The following SLC25A26 variants were observed in gnomAD, a reference collection of about 807,000 sequenced individuals.
The protein encoded by SLC25A26 is mitochondrial S-adenosylmethionine carrier protein.
Under a neutral mutation model 37.8 loss-of-function variants are expected in SLC25A26, and 36 were observed. The ratio of observed to expected loss-of-function variants is 0.95; its 90% CI spans 0.73 to 1.26. SLC25A26 has a LOEUF of 1.26. Among genes scored for constraint, SLC25A26 ranks in the 50% most tolerant of loss-of-function variants. The pLI, the probability that SLC25A26 is intolerant of heterozygous loss-of-function variation, is 0.00. For missense variants in SLC25A26, 390 were observed against 331.1 expected (o/e 1.18, Z -1.38); for synonymous variants, 129 against 122.5 (o/e 1.05, Z -0.35).
chr3:66,372,582 C>T (rs1700404843), intron 9 of SLC25A26, among the ~76,000 whole-genome samples: 1 of 152,130 alleles, frequency 6.6e-6, no homozygotes, highest in Admixed American at 6.5e-5. Flanking sequence ...TTTTGCTTAT[C>T]TATCTTCGGA....
intron 5 of SLC25A26, among the ~76,000 whole-genome samples, chr3:66,266,892 C>T (rs756629547): frequency 3.9e-5 from 6 of 152,104 alleles, no homozygotes; most frequent in Non-Finnish European, 7.4e-5. Flanking sequence ...GCCTCATACT[C>T]TTGGATGTGA....
rs568495512 is a variant in SLC25A26, at chr3:66,171,884, A to G, written c.-354+37900A>G. Among the ~76,000 whole-genome samples, 13 of 152,316 alleles carry G rather than the reference A, an allele frequency of 8.5e-5. No homozygotes were observed. In the East Asian group the frequency reaches 2.5e-3, roughly 29 times the overall value. On this transcript the variant is annotated intron_variant, in intron 1 of 10. Transcript: ENST00000676754. Reference sequence around the variant, plus strand: ...TACAGAAAGGAATCACACAGAAGACATCCCTTCTCTCATGGAGCTTATGTG... The same window carrying G: ...TACAGAAAGGAATCACACAGAAGACGTCCCTTCTCTCATGGAGCTTATGTG...
chr3:66,288,661 C>A (rs902064805), intron 5 of SLC25A26, among the ~76,000 whole-genome samples: 2 of 152,108 alleles, frequency 1.3e-5, no homozygotes, highest in Non-Finnish European at 2.9e-5. Context: ...TGAACTCATC[C>A]ATTTTTATGG....
chr3:66,279,294 G>C (rs2074258794), intron 5 of SLC25A26, among the ~76,000 whole-genome samples: 2 of 152,030 alleles, frequency 1.3e-5, no homozygotes, highest in African/African-American at 4.8e-5. Flanking sequence ...CACTGTGTTT[G>C]GGCTTCTATT....
intron 8 of SLC25A26, among the ~76,000 whole-genome samples, chr3:66,369,845 CT>C (rs1215150995): frequency 6.6e-6 from 1 of 152,198 alleles, no homozygotes; most frequent in African/African-American, 2.4e-5. Context: ...GTTGACGAGC[CT>C]CCTGCTATGT....
intron 6 of SLC25A26, among the ~76,000 whole-genome samples, chr3:66,346,707 G>C (rs1407276387): frequency 7.9e-6 from 1 of 126,640 alleles, no homozygotes. Flanking sequence ...ATTTCATTTT[G>C]CTGTGTGCGT....
intron 5 of SLC25A26, among the ~76,000 whole-genome samples, chr3:66,275,520 A>T (rs931751808): frequency 8.2e-4 from 125 of 152,154 alleles, no homozygotes; most frequent in African/African-American, 2.9e-3. Flanking sequence ...AGAGTGTGGC[A>T]CATAGCACAC....
chr3:66,293,884 A>G (rs1229581225), intron 5 of SLC25A26, among the ~76,000 whole-genome samples: 1 of 152,136 alleles, frequency 6.6e-6, no homozygotes, highest in Non-Finnish European at 1.5e-5. Context: ...AAGGATTAAT[A>G]TTCCTTTGGG....
At chr3:66,344,722 G>C (rs1366870301) in intron 5 of SLC25A26, among the ~76,000 whole-genome samples, 2 of 152,206 alleles carry the variant, frequency 1.3e-5, no homozygotes, top group African/African-American at 4.8e-5. Flanking sequence ...CTGCTGGGTG[G>C]GGTCCACTGG....
At chr3:66,206,921 G>A (rs1258341523) in intron 1 of SLC25A26, among the ~76,000 whole-genome samples, 1 of 142,830 alleles carries the variant, frequency 7.0e-6, no homozygotes. Flanking sequence ...TTTTTAACAC[G>A]GAGTTTTGCC....
At chr3:66,139,236 T>C (rs1175716837) in intron 1 of SLC25A26, among the ~76,000 whole-genome samples, 1 of 152,122 alleles carries the variant, frequency 6.6e-6, no homozygotes, top group East Asian at 1.9e-4. Flanking sequence ...AAAAAAGGAA[T>C]GGTGAAACCC....
chr3:66,236,003 C>T (rs1457744715), intron 1 of SLC25A26, among the ~76,000 whole-genome samples: 1 of 152,164 alleles, frequency 6.6e-6, no homozygotes, highest in Non-Finnish European at 1.5e-5. Flanking sequence ...CCTTGAACTC[C>T]TAGGCTCAAG....
intron 3 of SLC25A26, 21 bp downstream of exon 3, chr3:66,243,333 A>G (rs782149214): frequency 1.6e-6 from 2 of 1,246,292 alleles, no homozygotes; most frequent in African/African-American, 1.5e-5. Flanking sequence ...AGTTTTGTGT[A>G]TAAAATACTT....
intron 5 of SLC25A26, among the ~76,000 whole-genome samples, chr3:66,283,842 T>C (rs893071503): frequency 1.3e-5 from 2 of 152,254 alleles, no homozygotes; most frequent in African/African-American, 4.8e-5. Flanking sequence ...GTTTAGAATA[T>C]TGAGACTTCT....
chr3:66,314,568 T>G (rs1180457658), intron 5 of SLC25A26, among the ~76,000 whole-genome samples: 1 of 152,196 alleles, frequency 6.6e-6, no homozygotes, highest in Non-Finnish European at 1.5e-5. Flanking sequence ...GATATTGGAC[T>G]GAAGTTTTGT....
At chr3:66,200,227 T>C (rs1203711598) in intron 1 of SLC25A26, among the ~76,000 whole-genome samples, 1 of 152,228 alleles carries the variant, frequency 6.6e-6, no homozygotes, top group East Asian at 1.9e-4. Flanking sequence ...GATTCCAAAC[T>C]GATTCTAGCA....
At chr3:66,330,561 T>TCCTA (rs2075949502) in intron 5 of SLC25A26, among the ~76,000 whole-genome samples, 1 of 151,660 alleles carries the variant, frequency 6.6e-6, no homozygotes, top group Non-Finnish European at 1.5e-5. Flanking sequence ...GTGTGCTTTA[T>TCCTA]CCTAACTTGT....
intron 5 of SLC25A26, among the ~76,000 whole-genome samples, chr3:66,267,676 G>C (rs1255756336): frequency 6.6e-6 from 1 of 152,166 alleles, no homozygotes; most frequent in Non-Finnish European, 1.5e-5. Context: ...TGAGATAGGT[G>C]AGGGTTATTC....
At chr3:66,281,822 CTTTTTTTTT>C (rs35569177) in intron 5 of SLC25A26, among the ~76,000 whole-genome samples, 1 of 122,456 alleles carries the variant, frequency 8.2e-6, no homozygotes, top group Non-Finnish European at 1.7e-5. Context: ...CCCGTTAGTC[CTTTTTTTTT>C]TTTTTTTTTG....
Sources: allele counts gnomAD v4.1 joint callset (sites outside exome capture counted in the v4.1 genomes callset), GRCh38; gene constraint gnomAD v4.1.1; transcripts MANE v1.5; gene names NCBI Gene and HGNC (gene_info 2026-07-23, HGNC 2026-07-21).